The following PCLO variants were observed in gnomAD, a reference collection of about 807,000 sequenced individuals.
The protein encoded by PCLO is protein piccolo.
In PCLO, 82 loss-of-function variants were observed where a neutral mutation model predicts 427.5. That is an observed-to-expected ratio of 0.19 (90% CI 0.16 to 0.23). The LOEUF (loss-of-function observed/expected upper bound fraction) is 0.23, where lower values mean the gene tolerates loss of function less well. Among genes scored for constraint, PCLO ranks in the 10% least tolerant of loss-of-function variants. PCLO has a pLI of 1.00. For missense variants in PCLO, 6,239 were observed against 6,115.9 expected (o/e 1.02, Z -0.67); for synonymous variants, 2,357 against 2,155.4 (o/e 1.09, Z -2.59).
At chr7:82,942,430 T>G (rs995623470) in intron 6 of PCLO, among the ~76,000 whole-genome samples, 3 of 152,194 alleles carry the variant, frequency 2.0e-5, no homozygotes. Context: ...ATTTGGATTC[T>G]GGAAAGGGTA....
At chr7:83,130,088 G>A (rs994175599) in intron 3 of PCLO, among the ~76,000 whole-genome samples, 6 of 151,636 alleles carry the variant, frequency 4.0e-5, no homozygotes, top group African/African-American at 1.5e-4. Flanking sequence ...TCTTTGCCAT[G>A]GGTGCCAGAA....
intron 22 of PCLO, among the ~76,000 whole-genome samples, chr7:82,779,956 AT>A (rs1350975060): frequency 6.6e-6 from 1 of 152,136 alleles, no homozygotes; most frequent in African/African-American, 2.4e-5. Context: ...AAATGAACTA[AT>A]AGAGTGTTCA....
chr7:83,104,460 C>T (rs1790806614), intron 3 of PCLO, among the ~76,000 whole-genome samples: 1 of 151,992 alleles, frequency 6.6e-6, no homozygotes, highest in Non-Finnish European at 1.5e-5. Flanking sequence ...AATACACAAA[C>T]TCCTTCAGAG....
intron 6 of PCLO, among the ~76,000 whole-genome samples, chr7:82,943,386 AT>A (rs946145614): frequency 1.3e-4 from 19 of 151,594 alleles, no homozygotes; most frequent in Non-Finnish European, 2.5e-4. Context: ...ATTGTAGCTA[AT>A]TTTTTTTTAG....
At chr7:82,771,951 T>G (rs1790656194) in intron 22 of PCLO, among the ~76,000 whole-genome samples, 1 of 152,090 alleles carries the variant, frequency 6.6e-6, no homozygotes, top group Non-Finnish European at 1.5e-5. Context: ...ACTTTTTTTT[T>G]GTTTGTTTTA....
chr7:83,039,183 T>G (rs564870115), intron 3 of PCLO, among the ~76,000 whole-genome samples: 6 of 152,136 alleles, frequency 3.9e-5, no homozygotes, highest in African/African-American at 1.4e-4. Context: ...TTTACTTTCT[T>G]GATAGTGTGA....
At chr7:82,822,750 G>T in intron 19 of PCLO, 61 bp from the exon 20 acceptor site, 1 of 1,433,858 alleles carries the variant, frequency 7.0e-7, no homozygotes, top group Non-Finnish European at 9.7e-7. Context: ...TATCAAGCTT[G>T]GTTTACACAT....
intron 6 of PCLO, among the ~76,000 whole-genome samples, chr7:82,943,337 T>A (rs1003876354): frequency 6.6e-6 from 1 of 152,166 alleles, no homozygotes; most frequent in Non-Finnish European, 1.5e-5. Flanking sequence ...ATTAATAGCC[T>A]ATGTACTTTT....
intron 3 of PCLO, among the ~76,000 whole-genome samples, chr7:83,014,187 T>C (rs1788153374): frequency 6.6e-6 from 1 of 152,150 alleles, no homozygotes; most frequent in Non-Finnish European, 1.5e-5. Context: ...ACACTTGAGA[T>C]AGTTAACAAA....
At chr7:83,143,642 CAAAAAAAAAA>C (rs36020139) in intron 2 of PCLO, among the ~76,000 whole-genome samples, 1 of 103,300 alleles carries the variant, frequency 9.7e-6, no homozygotes, top group Non-Finnish European at 2.1e-5. Flanking sequence ...CAGGATTGCC[CAAAAAAAAAA>C]AAAAAAAAAC....
At chr7:82,917,781 C>A (rs1251806893) in intron 6 of PCLO, among the ~76,000 whole-genome samples, 2 of 151,688 alleles carry the variant, frequency 1.3e-5, no homozygotes, top group Non-Finnish European at 2.9e-5. Flanking sequence ...CTATTATAAT[C>A]CAAATACATT....
chr7:82,889,314 ATC>A (rs1315504617), intron 9 of PCLO, among the ~76,000 whole-genome samples: 1 of 152,126 alleles, frequency 6.6e-6, no homozygotes, highest in Non-Finnish European at 1.5e-5. Context: ...ACAGGCAGGA[ATC>A]TCTCCCTCAC....
At position 83,162,508 on chromosome 7, in the gene PCLO, C is replaced by T; in HGVS notation, c.85G>A (p.Ala29Thr). Residue 29 changes from alanine to threonine, a missense_variant, in exon 1 of 25, where the codon GCG becomes ACG. By Grantham distance (58) the Ala-to-Thr change is moderately conservative (BLOSUM62 0). Transcript: ENST00000333891. ...ATCGCGGTGTGAGAGGGGCTCCCCG[C>T]CCCGCTAGCTCCTCCTCCAGCCGCT... is the stretch of plus-strand genomic sequence containing the variant. ...AAAAGGGASGAGSPSHTAIPA... is the reference protein window; with the variant it reads ...AAAAGGGASGTGSPSHTAIPA... 2 of 1,563,662 alleles carry T rather than the reference C, an allele frequency of 1.3e-6. No individual in the cohort carries two copies. The highest frequency in any genetic ancestry group is 1.7e-6 in the Non-Finnish European group (2 of 1,154,856).
chr7:82,782,498 T>C (rs1274794966), intron 22 of PCLO, among the ~76,000 whole-genome samples: 1 of 152,204 alleles, frequency 6.6e-6, no homozygotes, highest in Non-Finnish European at 1.5e-5. Flanking sequence ...GATTTTACAG[T>C]GCATCCAATA....
intron 3 of PCLO, among the ~76,000 whole-genome samples, chr7:83,011,129 G>A (rs942098921): frequency 7.2e-5 from 11 of 151,936 alleles, no homozygotes; most frequent in Admixed American, 2.0e-4. Flanking sequence ...AAACTGTACC[G>A]TGATGGTCTA....
At chr7:82,900,643 G>C (rs1293175658) in intron 9 of PCLO, among the ~76,000 whole-genome samples, 1 of 151,620 alleles carries the variant, frequency 6.6e-6, no homozygotes, top group Non-Finnish European at 1.5e-5. Context: ...CAGATTGGAG[G>C]AGATATAGGA....
chr7:82,811,253 C>A (rs953142595), intron 20 of PCLO, among the ~76,000 whole-genome samples: 8 of 151,320 alleles, frequency 5.3e-5, no homozygotes, highest in Non-Finnish European at 8.9e-5. Flanking sequence ...TTTTAGAAAT[C>A]AAGTATTTGG....
chr7:82,783,090 A>G (rs568088764), intron 22 of PCLO, among the ~76,000 whole-genome samples: 3 of 152,318 alleles, frequency 2.0e-5, no homozygotes, highest in South Asian at 2.1e-4. Flanking sequence ...CCCTTGCCTT[A>G]TAGAACAACC....
chr7:82,920,285 A>C (rs916589576), intron 6 of PCLO, among the ~76,000 whole-genome samples: 2 of 151,802 alleles, frequency 1.3e-5, no homozygotes, highest in African/African-American at 4.8e-5. Flanking sequence ...ATTAAAGATG[A>C]TGTAGCTGGA....
Sources: allele counts gnomAD v4.1 joint callset (sites outside exome capture counted in the v4.1 genomes callset), GRCh38; gene constraint gnomAD v4.1.1; transcripts MANE v1.5; gene names NCBI Gene and HGNC (gene_info 2026-07-23, HGNC 2026-07-21).